Variants in ARHGEF3 observed in about 807,000 individuals in gnomAD.
The protein encoded by ARHGEF3 is 59.8 kDA protein.
A neutral mutation model predicts 63.2 loss-of-function variants in ARHGEF3; 28 were observed. That is an observed-to-expected ratio of 0.44 (90% CI 0.33 to 0.61). The LOEUF (loss-of-function observed/expected upper bound fraction) is 0.61, where lower values mean the gene tolerates loss of function less well. ARHGEF3 is among the 20% of genes least tolerant of loss of function. The pLI is 0.03. For missense variants in ARHGEF3, 533 were observed against 659.3 expected, an observed-to-expected ratio of 0.81 and a Z score of 2.10; for synonymous variants, 266 against 254.2, an observed-to-expected ratio of 1.05 and a Z score of -0.44.
chr3:56,753,645 C>G lies in ARHGEF3; in HGVS notation c.376-79G>C, dbSNP rs1398818403. 3.3e-6 allele frequency: 4 copies of G among 1,221,146 alleles called. No individual in the cohort carries two copies. The African/African-American group carries it at 6.0e-5, about 18-fold the overall frequency. 75.6% of individuals were successfully genotyped at this position (1,221,146 alleles called of 1,614,324 possible). A position where few individuals can be genotyped will look rare whatever the true frequency, so the allele number is the denominator to read the frequency against. ...TATTCAAATAGTGCTGGCTCCACCA[C>G]TCAAAACCCCAAATTTACATATTTA... On this transcript the variant is annotated intron_variant, in intron 3 of 9. Transcript: ENST00000296315.
intron 4 of ARHGEF3, among the ~76,000 whole-genome samples, chr3:56,807,019 G>C (rs1219919032): frequency 6.6e-6 from 1 of 152,022 alleles, no homozygotes; most frequent in African/African-American, 2.4e-5. Context: ...GAGTAGCTGG[G>C]ATTACAGGTA....
At chr3:56,733,835 T>A (rs1201735888) in intron 8 of ARHGEF3, among the ~76,000 whole-genome samples, 1 of 151,404 alleles carries the variant, frequency 6.6e-6, no homozygotes, top group African/African-American at 2.4e-5. Context: ...AATACAAAAA[T>A]TAGCGAGGCG....
rs562391787 is a variant in ARHGEF3 at position 56,732,482 on chromosome 3, T to C, written c.1042-58A>G. ...GCAATAATGTAATGAGTGGTTGATA[T>C]GTGGACCTCTGTGGATAAAGAGGTC... On this transcript the variant is annotated intron_variant, in intron 8 of 9. Transcript: ENST00000296315. The C allele has an allele frequency of 6.4e-6, 10 of 1,573,944 alleles. No homozygotes were observed. In the Admixed American group the frequency reaches 1.0e-4, roughly 16 times the overall value.
intron 3 of ARHGEF3, among the ~76,000 whole-genome samples, chr3:56,899,113 G>T (rs577036798): frequency 6.6e-6 from 1 of 152,152 alleles, no homozygotes; most frequent in Non-Finnish European, 1.5e-5. Flanking sequence ...GGGTGAGGAG[G>T]TGGGAGTTTC....
chr3:56,917,034 T>C (rs546119642), intron 3 of ARHGEF3, among the ~76,000 whole-genome samples: 13 of 152,380 alleles, frequency 8.5e-5, no homozygotes, highest in Admixed American at 5.9e-4. Flanking sequence ...AGAGCTATTA[T>C]GGAAATAATT....
At position 56,801,890 on chromosome 3, in the gene ARHGEF3, C is replaced by A. The variant is rs2107970824; in HGVS notation, c.-92G>T. The A allele has an allele frequency of 6.5e-7, 1 of 1,547,930 alleles. No individual in the cohort carries two copies. Among genetic ancestry groups the A allele is most frequent in the Non-Finnish European group, 8.7e-7 (1 of 1,146,436 alleles). On this transcript the variant is annotated 5_prime_UTR_variant, in exon 1 of 10. Transcript: ENST00000296315. ...AAAAGGGGGCCCCAGCTCCACGATGCCGGGCGGCGGCGGCGACACGGAGAC... is the reference window on the plus strand; with the variant it reads ...AAAAGGGGGCCCCAGCTCCACGATGACGGGCGGCGGCGGCGACACGGAGAC...
chr3:56,939,213 G>C (rs1333242749), intron 3 of ARHGEF3, among the ~76,000 whole-genome samples: 2 of 152,108 alleles, frequency 1.3e-5, no homozygotes, highest in African/African-American at 4.8e-5. Context: ...CCCAGATTCA[G>C]ACACAGGCAG....
At chr3:56,835,648 C>A (rs748818319) in intron 4 of ARHGEF3, among the ~76,000 whole-genome samples, 1 of 152,278 alleles carries the variant, frequency 6.6e-6, no homozygotes, top group East Asian at 1.9e-4. Context: ...GTCTAAGCCA[C>A]GTGGAAGGAC....
chr3:57,074,817 T>C (rs116510429), intron 1 of ARHGEF3: 2,341 of 169,166 alleles, frequency 0.014, 51 homozygotes, highest in African/African-American at 0.052. Flanking sequence ...CCTAGGCTCA[T>C]GCTCATTCCC....
At chr3:56,933,359 T>C (rs186443480) in intron 3 of ARHGEF3, among the ~76,000 whole-genome samples, 110 of 152,224 alleles carry the variant, frequency 7.2e-4, no homozygotes, top group African/African-American at 2.6e-3. Context: ...AGAGTCTGAA[T>C]TGATCACTCT....
chr3:56,920,651 A>G (rs556010931), intron 3 of ARHGEF3, among the ~76,000 whole-genome samples: 91 of 152,350 alleles, frequency 6.0e-4, no homozygotes, highest in African/African-American at 1.5e-3. Flanking sequence ...GAAATGTCAC[A>G]AAATCTTACA....
At chr3:57,073,788 T>C (rs771947436) in intron 1 of ARHGEF3, 3 of 1,614,216 alleles carry the variant, frequency 1.9e-6, no homozygotes, top group South Asian at 1.1e-5. Context: ...ACTCGTTCCA[T>C]GGCCACCCAG....
intron 4 of ARHGEF3, among the ~76,000 whole-genome samples, chr3:56,867,045 T>C (rs1241363090): frequency 2.6e-5 from 4 of 152,248 alleles, no homozygotes; most frequent in Admixed American, 6.5e-5. Flanking sequence ...TATCTTGCTT[T>C]GTATATCACA....
At position 57,029,361 on chromosome 3, in the gene ARHGEF3, G is replaced by A. The variant is rs184649705; in HGVS notation, c.62+5727C>T. On this transcript the variant is annotated intron_variant, in intron 2 of 12. Transcript: ENST00000338458. ...AGGAGAATCACTTGAACCCAGGAGC[G>A]GAGGTTGCAGTGAGCAGAGATCATG... Among the ~76,000 whole-genome samples, 31 of 152,116 alleles carry A rather than the reference G, an allele frequency of 2.0e-4. No individual in the cohort carries two copies. In the East Asian group the frequency reaches 4.6e-3, roughly 23 times the overall value.
intron 7 of ARHGEF3, among the ~76,000 whole-genome samples, chr3:56,738,227 A>C (rs1181038022): frequency 2.0e-5 from 3 of 151,942 alleles, no homozygotes; most frequent in African/African-American, 4.8e-5. Flanking sequence ...TTTTAGTAGA[A>C]CAGGGTTTCA....
Position 57,054,338 on chromosome 3 carries a change from T to C in ARHGEF3, c.-27-19162A>G, listed in dbSNP as rs79281654. 2.7e-3 allele frequency among the ~76,000 whole-genome samples: 406 copies of C among 152,082 alleles called. 2 individuals are homozygous for C. The highest frequency in any genetic ancestry group is 9.5e-3 in the African/African-American group (396 of 41,500). On this transcript the variant is annotated intron_variant, in intron 1 of 12. Transcript: ENST00000338458. ...GCTCAAGTCTTTTATCCTTTTAAAATTGGGTTGTCAGGTAGGTACGGTGGC... is the reference window on the plus strand; with the variant it reads ...GCTCAAGTCTTTTATCCTTTTAAAACTGGGTTGTCAGGTAGGTACGGTGGC...
At chr3:57,016,955 AC>A (rs575233058) in intron 2 of ARHGEF3, among the ~76,000 whole-genome samples, 4 of 151,764 alleles carry the variant, frequency 2.6e-5, no homozygotes, top group Non-Finnish European at 4.4e-5. Context: ...AGTCCCCGAA[AC>A]AAGACACAGT....
chr3:56,982,608 T>G (rs1029747398), intron 2 of ARHGEF3, among the ~76,000 whole-genome samples: 1 of 152,154 alleles, frequency 6.6e-6, no homozygotes, highest in African/African-American at 2.4e-5. Context: ...GGGTGGAGAT[T>G]GTTGTCTACT....
At chr3:56,914,816 T>A (rs1411424384) in intron 3 of ARHGEF3, among the ~76,000 whole-genome samples, 1 of 151,938 alleles carries the variant, frequency 6.6e-6, no homozygotes, top group Non-Finnish European at 1.5e-5. Flanking sequence ...AGACAGAAAG[T>A]AGAATGGTGG....
Sources: allele counts gnomAD v4.1 joint callset (sites outside exome capture counted in the v4.1 genomes callset), GRCh38; gene constraint gnomAD v4.1.1; transcripts MANE v1.5; gene names NCBI Gene and HGNC (gene_info 2026-07-23, HGNC 2026-07-21).